The following CCDC91 variants were observed in gnomAD, a reference collection of about 807,000 sequenced individuals.
The protein encoded by CCDC91 is coiled-coil domain containing 91, also known as coiled-coil domain-containing protein 91.
In CCDC91, 48 loss-of-function variants were observed where a neutral mutation model predicts 63.2. The observed-to-expected ratio is 0.76, with a 90% CI of 0.60 to 0.97. CCDC91 has a LOEUF of 0.97. Ranked by LOEUF, CCDC91 falls within the 50% of genes least tolerant of loss-of-function variation. The pLI is 0.00. For synonymous variants in CCDC91, 167 were observed against 165.8 expected (o/e 1.01, Z -0.06); for missense variants, 500 against 494.6 (o/e 1.01, Z -0.10).
intron 3 of CCDC91, among the ~76,000 whole-genome samples, chr12:28,286,895 A>G (rs1310223472): frequency 6.6e-6 from 1 of 152,126 alleles, no homozygotes; most frequent in African/African-American, 2.4e-5. Context: ...TGACTTTTTA[A>G]TAATAGCCAT....
intron 8 of CCDC91, among the ~76,000 whole-genome samples, chr12:28,392,395 TCA>T (rs1217421741): frequency 6.6e-5 from 10 of 152,174 alleles, no homozygotes; most frequent in African/African-American, 2.4e-4. Flanking sequence ...GGGCCCTGTC[TCA>T]TGTTGTCCTC....
intron 6 of CCDC91, among the ~76,000 whole-genome samples, chr12:28,348,872 C>T (rs1421589303): frequency 4.6e-5 from 7 of 151,900 alleles, no homozygotes; most frequent in East Asian, 1.9e-4. Context: ...TACAGGTGTG[C>T]GCCACCGTGT....
At chr12:28,409,581 G>T (rs549847727) in intron 8 of CCDC91, among the ~76,000 whole-genome samples, 4 of 151,598 alleles carry the variant, frequency 2.6e-5, no homozygotes, top group African/African-American at 7.3e-5. Flanking sequence ...TTTAATTTAC[G>T]TAACTTAATT....
At chr12:28,385,063 A>G (rs1186667111) in intron 7 of CCDC91, among the ~76,000 whole-genome samples, 1 of 152,138 alleles carries the variant, frequency 6.6e-6, no homozygotes, top group Non-Finnish European at 1.5e-5. Flanking sequence ...TAGCTTATTC[A>G]TTTGGCAGAT....
At chr12:28,268,565 A>G (rs1270107911) in intron 3 of CCDC91, 10 of 553,346 alleles carry the variant, frequency 1.8e-5, no homozygotes, top group African/African-American at 4.1e-5. Context: ...TGTGAAGTCT[A>G]GAATATCAGT....
intron 6 of CCDC91, among the ~76,000 whole-genome samples, chr12:28,359,782 C>CTTTCTTTTTT (rs1565853546): frequency 1.3e-5 from 2 of 151,962 alleles, no homozygotes; most frequent in African/African-American, 4.8e-5. Flanking sequence ...CAGAATATTT[C>CTTTCTTTTTT]TATTTACTTT....
chr12:28,274,502 C>T (rs1948046421), intron 3 of CCDC91, among the ~76,000 whole-genome samples: 1 of 152,098 alleles, frequency 6.6e-6, no homozygotes. Flanking sequence ...TTGTTTGTAT[C>T]CTGTTTTATT....
At position 28,415,969 on chromosome 12, in the gene CCDC91, GTT is replaced by G. The variant is rs71039895; in HGVS notation, c.762+24568_762+24569del. ...CTGAATATTCAGCACTGAGGAATGT[GTT>G]TTTTTTTTTCTTTTTTCTTGGAAAT... is the stretch of plus-strand genomic sequence containing the variant. On this transcript the variant is annotated intron_variant, in intron 8 of 12. Transcript: ENST00000536442. 1.4e-4 allele frequency among the ~76,000 whole-genome samples: 21 copies of G among 148,692 alleles called. No individual in the cohort carries two copies. In the East Asian group the frequency reaches 1.8e-3, roughly 13 times the overall value.
rs1441339815 is a variant in CCDC91, at chr12:28,549,290, C to T, written c.*117C>T. The T allele has an allele frequency of 4.8e-6, 3 of 629,146 alleles. No individual in the cohort carries two copies. Among genetic ancestry groups the T allele is most frequent in the Non-Finnish European group, 8.6e-6 (3 of 349,940 alleles). The allele number at this position is 629,146 out of a possible 1,614,324, so 39.0% of individuals were successfully genotyped here. ...TTCCAAATCATGTAGAATTGATTTC[C>T]AGTTCAAGGATAAACCAAAACAATA... On this transcript the variant is annotated 3_prime_UTR_variant, in exon 13 of 13. Transcript: ENST00000536442.
chr12:28,531,907 G>T (rs909366613), intron 12 of CCDC91, among the ~76,000 whole-genome samples: 2 of 152,086 alleles, frequency 1.3e-5, no homozygotes, highest in Admixed American at 6.6e-5. Context: ...GATGTTTTGG[G>T]ATGGTAAATA....
At chr12:28,493,402 C>G (rs1431969674) in intron 12 of CCDC91, among the ~76,000 whole-genome samples, 1 of 151,646 alleles carries the variant, frequency 6.6e-6, no homozygotes, top group Non-Finnish European at 1.5e-5. Context: ...TTTACAGGCT[C>G]CATCTAATTT....
In CCDC91 at chr12:28,298,355, T is replaced by C. The variant is rs559206286; in HGVS notation, c.110-7294T>C. On this transcript the variant is annotated intron_variant, in intron 3 of 12. Coordinates refer to ENST00000536442, the MANE Select transcript of CCDC91 (RefSeq NM_018318.5). The stretch of plus-strand genomic sequence containing the variant: ...TTGTGTTTATTGGTCTGTTGCTGAT[T>C]GTTGAGTTTTTTTTTTTTTTTTCCC... 3.6e-5 allele frequency among the ~76,000 whole-genome samples: 5 copies of C among 139,146 alleles called. No individual in the cohort carries two copies. In the East Asian group the frequency reaches 1.0e-3, roughly 28 times the overall value. The allele number at this position is 139,146 out of a possible 152,430, so 91.3% of individuals were successfully genotyped here. A position where few individuals can be genotyped will look rare whatever the true frequency, so the allele number is the denominator to read the frequency against.
At chr12:28,452,370 A>G in intron 10 of CCDC91, 108 bp from the exon 11 acceptor site, 1 of 670,642 alleles carries the variant, frequency 1.5e-6, no homozygotes, top group Non-Finnish European at 2.5e-6. Context: ...TGTTAGAACT[A>G]AACACTATAG....
intron 11 of CCDC91, among the ~76,000 whole-genome samples, chr12:28,466,496 G>A (rs1487182075): frequency 1.3e-5 from 2 of 152,132 alleles, no homozygotes; most frequent in Non-Finnish European, 1.5e-5. Context: ...ATATAATGGA[G>A]CTCCAATATG....
At chr12:28,248,301 T>G (rs557653834) in intron 1 of CCDC91, among the ~76,000 whole-genome samples, 44 of 152,308 alleles carry the variant, frequency 2.9e-4, no homozygotes, top group African/African-American at 1.0e-3. Flanking sequence ...CCTGTTAGAT[T>G]ACAGTTGTCT....
rs2136681553 is a variant in CCDC91, at chr12:28,286,392, G to A, written c.110-19257G>A. 1.3e-5 allele frequency among the ~76,000 whole-genome samples: 2 copies of A among 152,094 alleles called. 1 individual carries two copies. Among genetic ancestry groups the A allele is most frequent in the South Asian group, 4.2e-4 (2 of 4,818 alleles). ...ACCCTCCACCTTCTGGTAGGCCCCA[G>A]TGTCTGTTGTTTCTCTCCATGTGTT... On this transcript the variant is annotated intron_variant, in intron 3 of 12. Coordinates refer to ENST00000536442, the MANE Select transcript of CCDC91 (RefSeq NM_018318.5).
chr12:28,261,794 G>A (rs774391614), intron 3 of CCDC91, among the ~76,000 whole-genome samples: 6 of 151,620 alleles, frequency 4.0e-5, no homozygotes, highest in African/African-American at 7.3e-5. Flanking sequence ...TCAAACCTTC[G>A]CGAAACTGGA....
At chr12:28,424,225 T>C (rs1260090100) in intron 8 of CCDC91, among the ~76,000 whole-genome samples, 1 of 152,150 alleles carries the variant, frequency 6.6e-6, no homozygotes, top group Non-Finnish European at 1.5e-5. Flanking sequence ...TTACTGTGCC[T>C]GGCCCTAAAT....
At position 28,549,170 on chromosome 12, in the gene CCDC91, A is replaced by G. The variant is rs1178840897; in HGVS notation, c.1323A>G (p.Glu441=). 2.5e-6 allele frequency: 4 copies of G among 1,583,722 alleles called. No individual in the cohort carries two copies. In the South Asian group the frequency reaches 4.4e-5, roughly 18 times the overall value. The part of the protein sequence containing the change: ...ALIATEPVDI[E] The stretch of plus-strand genomic sequence containing the variant: ...TAGCTACGGAACCAGTTGACATTGA[A>G]TAAAAAGAACATGACAAACCCACAC... Residue 441 remains glutamate (E), a synonymous_variant, in exon 13 of 13, where the codon GAA becomes GAG. Transcript: ENST00000536442.
Sources: allele counts gnomAD v4.1 joint callset (sites outside exome capture counted in the v4.1 genomes callset), GRCh38; gene constraint gnomAD v4.1.1; transcripts MANE v1.5; gene names NCBI Gene and HGNC (gene_info 2026-07-23, HGNC 2026-07-21).